The following PPP1CB variants were observed in gnomAD, a reference collection of about 807,000 sequenced individuals.
PPP1CB encodes the protein protein phosphatase 1 catalytic subunit beta.
A neutral mutation model predicts 43.7 loss-of-function variants in PPP1CB; 2 were observed. The observed-to-expected ratio is 0.05, with a 90% CI of 0.02 to 0.14. PPP1CB has a LOEUF of 0.14. Among genes scored for constraint, PPP1CB ranks in the 10% least tolerant of loss-of-function variants. The pLI, the probability that PPP1CB is intolerant of heterozygous loss-of-function variation, is 1.00. For synonymous variants in PPP1CB, 136 were observed against 135.6 expected (o/e 1.00, Z -0.02); for missense variants, 84 against 398.0 (o/e 0.21, Z 6.71).
chr2:28,776,670 A>G (rs1667051411), intron 1 of PPP1CB, among the ~76,000 whole-genome samples, 181 bp from the exon 2 acceptor site: 1 of 152,248 alleles, frequency 6.6e-6, no homozygotes, highest in Non-Finnish European at 1.5e-5. Context: ...ATCAGGAACC[A>G]GTAACAATGA....
At chr2:28,786,713 T>G (rs1382298893) in intron 5 of PPP1CB, among the ~76,000 whole-genome samples, 3 of 138,984 alleles carry the variant, frequency 2.2e-5, no homozygotes, top group African/African-American at 8.2e-5. Context: ...AGGTGGAGCT[T>G]GCAGTGAGCC....
Position 28,799,389 on chromosome 2 carries a change from A to G in PPP1CB, c.*86A>G, listed in dbSNP as rs78912220. ...GTGTGCACTGTAAAACCATCCAGCC[A>G]TTTGACACCCTTTATGATGTCACAC... On this transcript the variant is annotated 3_prime_UTR_variant, in exon 8 of 8. Transcript: ENST00000395366. The G allele has an allele frequency of 2.2e-3, 2,360 of 1,053,500 alleles. 30 individuals carry two copies. In the African/African-American group the frequency reaches 0.032, roughly 14 times the overall value. 65.3% of individuals were successfully genotyped at this position (1,053,500 alleles called of 1,614,324 possible).
upstream of PPP1CB, chr2:28,751,709 GA>G: frequency 4.2e-6 from 1 of 235,506 alleles, no homozygotes; most frequent in Non-Finnish European, 8.4e-6. Flanking sequence ...GCGTCGAGGG[GA>G]GCCTCGGCGG....
At chr2:28,789,152 C>A (rs1193535364) in intron 6 of PPP1CB, among the ~76,000 whole-genome samples, 2 of 152,128 alleles carry the variant, frequency 1.3e-5, no homozygotes, top group African/African-American at 4.8e-5. Flanking sequence ...GTTCCTGGAT[C>A]TCACACTTAA....
intron 1 of PPP1CB, among the ~76,000 whole-genome samples, chr2:28,774,473 T>A (rs752739544): frequency 3.9e-5 from 6 of 152,200 alleles, no homozygotes; most frequent in Non-Finnish European, 8.8e-5. Context: ...TCTCCCAGGC[T>A]GGAGTGCTGT....
In PPP1CB at chr2:28,751,886, T is replaced by A; in HGVS notation, c.-239T>A. 1.7e-6 allele frequency: 1 copy of A among 576,690 alleles called. No homozygotes were observed. The allele number at this position is 576,690 out of a possible 1,614,324, so 35.7% of individuals were successfully genotyped here. On this transcript the variant is annotated 5_prime_UTR_variant, in exon 1 of 8. Coordinates refer to ENST00000395366, the MANE Select transcript of PPP1CB (RefSeq NM_002709.3). ...TGGCGGCCTGGGTCTGACGCGGCCC[T>A]GTTCGAGGGGGCCTCTCTTGTTTAT...
At chr2:28,796,616 A>G (rs1667502562) in intron 7 of PPP1CB, among the ~76,000 whole-genome samples, 1 of 152,138 alleles carries the variant, frequency 6.6e-6, no homozygotes, top group Non-Finnish European at 1.5e-5. Flanking sequence ...GTTTTTATAC[A>G]TTGATTTTGT....
At position 28,751,892 on chromosome 2, in the gene PPP1CB, A is replaced by AG; in HGVS notation, c.-228dup. 1 of 574,488 alleles carries AG rather than the reference A, an allele frequency of 1.7e-6. No individual in the cohort carries two copies. The highest frequency in any genetic ancestry group is 1.8e-5 in the South Asian group (1 of 55,528). 35.6% of individuals were successfully genotyped at this position (574,488 alleles called of 1,614,324 possible). A position where few individuals can be genotyped will look rare whatever the true frequency, so the allele number is the denominator to read the frequency against. The stretch of plus-strand genomic sequence containing the variant: ...CCTGGGTCTGACGCGGCCCTGTTCG[A>AG]GGGGGCCTCTCTTGTTTATTTATTT... On this transcript the variant is annotated 5_prime_UTR_variant, in exon 1 of 8. Coordinates refer to ENST00000395366, the MANE Select transcript of PPP1CB (RefSeq NM_002709.3).
rs370197511 is a variant in PPP1CB, at chr2:28,776,808, A to T, written c.53-43A>T. 2.2e-5 allele frequency: 35 copies of T among 1,564,696 alleles called. No individual in the cohort carries two copies. In the African/African-American group the frequency reaches 4.7e-4, roughly 21 times the overall value. On this transcript the variant is annotated intron_variant, in intron 1 of 7. Coordinates refer to ENST00000395366, the MANE Select transcript of PPP1CB (RefSeq NM_002709.3). ...TGACTCTTTTTGAAAGATTATTATG[A>T]GTAAATTTTAGAAAACTGACTGTTT...
intron 1 of PPP1CB, among the ~76,000 whole-genome samples, chr2:28,765,586 C>G (rs528101181): frequency 6.6e-6 from 1 of 152,202 alleles, no homozygotes. Context: ...GAATGAAGAT[C>G]TCACTTGTCT....
chr2:28,756,204 A>T (rs766302454), intron 1 of PPP1CB, among the ~76,000 whole-genome samples: 11 of 152,232 alleles, frequency 7.2e-5, no homozygotes, highest in Non-Finnish European at 1.2e-4. Flanking sequence ...AGTATTTTTT[A>T]ACATATTACC....
At chr2:28,755,519 C>G (rs1030192276) in intron 1 of PPP1CB, among the ~76,000 whole-genome samples, 1 of 152,102 alleles carries the variant, frequency 6.6e-6, no homozygotes, top group Non-Finnish European at 1.5e-5. Context: ...CTGTAGTGAC[C>G]CTGTTGGCCA....
chr2:28,788,567 G>T (rs1169049314), intron 5 of PPP1CB, 91 bp from the exon 6 acceptor site: 1 of 1,362,652 alleles, frequency 7.3e-7, no homozygotes, highest in East Asian at 2.3e-5. Flanking sequence ...AGGTAAGAGG[G>T]CAAGAAAGGA....
At chr2:28,781,615 C>A (rs367769803) in intron 3 of PPP1CB, 123 bp from the exon 4 acceptor site, 2 of 701,030 alleles carry the variant, frequency 2.9e-6, no homozygotes, top group Non-Finnish European at 2.4e-6. Context: ...AGAAAAAGTT[C>A]TTCTTTATAG....
intron 1 of PPP1CB, among the ~76,000 whole-genome samples, chr2:28,760,818 T>C (rs1175288237): frequency 6.6e-6 from 1 of 152,258 alleles, no homozygotes; most frequent in Non-Finnish European, 1.5e-5. Context: ...GGTACTTGTA[T>C]GTTTCCTCAA....
At chr2:28,779,699 A>G (rs894559718) in intron 3 of PPP1CB, among the ~76,000 whole-genome samples, 1 of 152,100 alleles carries the variant, frequency 6.6e-6, no homozygotes, top group African/African-American at 2.4e-5. Context: ...TAATCTTCAA[A>G]TTGAATTTTT....
At chr2:28,774,501 C>T (rs1666988512) in intron 1 of PPP1CB, among the ~76,000 whole-genome samples, 1 of 152,148 alleles carries the variant, frequency 6.6e-6, no homozygotes, top group African/African-American at 2.4e-5. Context: ...TCTCGGCTCA[C>T]TGCAACCTCC....
At chr2:28,784,211 A>G (rs888151179) in intron 5 of PPP1CB, among the ~76,000 whole-genome samples, 2 of 152,186 alleles carry the variant, frequency 1.3e-5, no homozygotes, top group African/African-American at 4.8e-5. Context: ...ATTTGATCAC[A>G]AAAAAGATTT....
intron 3 of PPP1CB, among the ~76,000 whole-genome samples, chr2:28,779,573 G>A (rs555840440): frequency 6.6e-6 from 1 of 152,250 alleles, no homozygotes; most frequent in East Asian, 1.9e-4. Flanking sequence ...ATTTGGTATT[G>A]TATGTTTCCA....
Sources: gnomAD v4.1 joint callset for allele counts (sites outside exome capture counted in the v4.1 genomes callset) on GRCh38, gnomAD v4.1.1 for gene constraint, MANE v1.5 for transcripts, NCBI Gene and HGNC (gene_info 2026-07-23, HGNC 2026-07-21) for gene names.